STAG1: variants seen among roughly 807,000 people sequenced by gnomAD.
STAG1 encodes the protein STAG1 cohesin complex component, also known as cohesin subunit SA-1.
A neutral mutation model predicts 170.9 loss-of-function variants in STAG1; 26 were observed. The observed-to-expected ratio is 0.15, with a 90% CI of 0.11 to 0.21. STAG1 has a LOEUF of 0.21. Among genes scored for constraint, STAG1 ranks in the 10% least tolerant of loss-of-function variants. STAG1 has a pLI of 1.00. For synonymous variants in STAG1, 514 were observed against 497.7 expected, an observed-to-expected ratio of 1.03 and a Z score of -0.44; for missense variants, 964 against 1,509.5, an observed-to-expected ratio of 0.64 and a Z score of 5.99.
intron 9 of STAG1, among the ~76,000 whole-genome samples, chr3:136,498,233 T>TATATATATATATACACAC: frequency 5.2e-5 from 3 of 57,486 alleles, no homozygotes; most frequent in Non-Finnish European, 8.4e-5. Flanking sequence ...TATATATATA[T>TATATATATATATACACAC]ACACATACAT....
intron 1 of STAG1, among the ~76,000 whole-genome samples, chr3:136,649,519 A>G (rs529834323): frequency 7.4e-4 from 112 of 151,632 alleles, no homozygotes; most frequent in African/African-American, 2.3e-3. Flanking sequence ...AAAAAAAAAA[A>G]AAAGAAAGGG....
At chr3:136,678,846 C>T (rs1942226072) in intron 1 of STAG1, among the ~76,000 whole-genome samples, 1 of 120,946 alleles carries the variant, frequency 8.3e-6, no homozygotes, top group African/African-American at 3.2e-5. Flanking sequence ...GACCCCCATG[C>T]TCACAAAAAA....
intron 9 of STAG1, among the ~76,000 whole-genome samples, chr3:136,493,067 G>A (rs1487781165): frequency 1.3e-5 from 2 of 152,192 alleles, no homozygotes; most frequent in Non-Finnish European, 2.9e-5. Context: ...AATTAGGCCA[G>A]GCATGATAGT....
rs747195672 is a variant in STAG1 at position 136,477,276 on chromosome 3, C to G, written c.1026+13G>C. ...ACATAACTTCCATCAAAGCTTAGAACAGAGTAACTTACCCTGTCATGAAGA... is the reference window on the plus strand; with the variant it reads ...ACATAACTTCCATCAAAGCTTAGAAGAGAGTAACTTACCCTGTCATGAAGA... On this transcript the variant is annotated intron_variant, in intron 10 of 33. Coordinates refer to ENST00000383202, the MANE Select transcript of STAG1 (RefSeq NM_005862.3). The G allele has an allele frequency of 1.2e-6, 2 of 1,606,006 alleles. No homozygotes were observed. The highest frequency in any genetic ancestry group is 1.7e-5 in the Admixed American group (1 of 58,720).
intron 19 of STAG1, among the ~76,000 whole-genome samples, chr3:136,422,153 C>CAAA (rs11312063): frequency 3.1e-5 from 3 of 96,516 alleles, no homozygotes; most frequent in Non-Finnish European, 4.2e-5. Flanking sequence ...GACTCTGCCT[C>CAAA]AAAAAAAAAA....
At chr3:136,452,206 C>G in intron 13 of STAG1, 59 bp from the exon 14 acceptor site, 1 of 1,020,768 alleles carries the variant, frequency 9.8e-7, no homozygotes, top group Non-Finnish European at 1.5e-6. Context: ...AGTCTTCCCT[C>G]AACACACAAA....
At chr3:136,449,918 T>TTTA (rs1553723525) in intron 14 of STAG1, among the ~76,000 whole-genome samples, 2 of 150,966 alleles carry the variant, frequency 1.3e-5, no homozygotes, top group Non-Finnish European at 3.0e-5. Context: ...TTTTTTTTTT[T>TTTA]AGAGACAGGG....
At chr3:136,350,144 A>G (rs1039741998) in intron 28 of STAG1, among the ~76,000 whole-genome samples, 17 of 152,164 alleles carry the variant, frequency 1.1e-4, no homozygotes, top group Non-Finnish European at 2.4e-4. Flanking sequence ...CCATTCAAAA[A>G]AAAAAAGAAA....
chr3:136,628,460 A>AG (rs756209862), intron 2 of STAG1, among the ~76,000 whole-genome samples: 10 of 152,050 alleles, frequency 6.6e-5, no homozygotes, highest in Non-Finnish European at 1.3e-4. Context: ...CCAGTGCTGG[A>AG]GAAAAAAAAG....
chr3:136,613,335 A>AAAAAAG (rs2107819190), intron 3 of STAG1, among the ~76,000 whole-genome samples: 1 of 150,848 alleles, frequency 6.6e-6, no homozygotes, highest in Non-Finnish European at 1.5e-5. Flanking sequence ...AAAAAAAAAA[A>AAAAAAG]GAAATCAGAG....
intron 22 of STAG1, among the ~76,000 whole-genome samples, chr3:136,389,692 G>C (rs2086956947): frequency 6.6e-6 from 1 of 151,872 alleles, no homozygotes; most frequent in Non-Finnish European, 1.5e-5. Context: ...GTTAATTTTT[G>C]TATTTTTAGT....
chr3:136,620,130 A>G (rs1030814456), intron 3 of STAG1, among the ~76,000 whole-genome samples: 6 of 152,188 alleles, frequency 3.9e-5, no homozygotes, highest in Admixed American at 1.3e-4. Flanking sequence ...AATACTGCCT[A>G]TAATAGAAAC....
At chr3:136,751,467 C>T (rs954204084) in intron 1 of STAG1, among the ~76,000 whole-genome samples, 3 of 152,004 alleles carry the variant, frequency 2.0e-5, no homozygotes, top group African/African-American at 7.2e-5. Context: ...TTGGCCTCGT[C>T]TCTCAGGGGA....
intron 6 of STAG1, among the ~76,000 whole-genome samples, chr3:136,535,753 A>G (rs758977824): frequency 1.3e-5 from 2 of 152,216 alleles, no homozygotes; most frequent in Non-Finnish European, 2.9e-5. Flanking sequence ...ACTCAAGGTA[A>G]GAGATACCCC....
chr3:136,528,502 C>CCA (rs1553740666), intron 6 of STAG1, among the ~76,000 whole-genome samples: 9,963 of 144,366 alleles, frequency 0.069, 1,531 homozygotes, highest in African/African-American at 0.26. Context: ...GCACCCCCCC[C>CCA]CCCAAAAAAT....
chr3:136,716,971 T>A (rs1207407612), intron 1 of STAG1, among the ~76,000 whole-genome samples: 1 of 152,254 alleles, frequency 6.6e-6, no homozygotes, highest in Non-Finnish European at 1.5e-5. Context: ...TGGTTTGGAA[T>A]GATAACAACA....
At chr3:136,356,826 T>C (rs112398281) in intron 28 of STAG1, among the ~76,000 whole-genome samples, 179 of 151,858 alleles carry the variant, frequency 1.2e-3, no homozygotes, top group African/African-American at 2.5e-3. Flanking sequence ...GATCGCAGCT[T>C]ACTGCAACCT....
intron 6 of STAG1, among the ~76,000 whole-genome samples, chr3:136,533,068 C>T (rs75637443): frequency 3.3e-5 from 5 of 152,026 alleles, no homozygotes; most frequent in South Asian, 2.1e-4. Context: ...TTCAGTAAAG[C>T]GCTTTACATT....
intron 9 of STAG1, among the ~76,000 whole-genome samples, chr3:136,484,111 G>A (rs1307840329): frequency 3.6e-5 from 5 of 139,508 alleles, no homozygotes; most frequent in African/African-American, 8.1e-5. Flanking sequence ...GCTTTGTTCC[G>A]TTGCTGGTGA....
Sources: gnomAD v4.1 joint callset for allele counts (sites outside exome capture counted in the v4.1 genomes callset) on GRCh38, gnomAD v4.1.1 for gene constraint, MANE v1.5 for transcripts, NCBI Gene and HGNC (gene_info 2026-07-23, HGNC 2026-07-21) for gene names.